DHX9: variants seen among roughly 807,000 people sequenced by gnomAD.
DHX9 encodes ATP-dependent RNA helicase A.
A neutral mutation model predicts 148.7 loss-of-function variants in DHX9; 27 were observed. That is an observed-to-expected ratio of 0.18 (90% CI 0.13 to 0.25). The LOEUF is 0.25. Ranked by LOEUF, DHX9 falls within the 10% of genes least tolerant of loss-of-function variation. The pLI, the probability that DHX9 is intolerant of heterozygous loss-of-function variation, is 1.00. For synonymous variants in DHX9, 529 were observed against 516.6 expected, an observed-to-expected ratio of 1.02 and a Z score of -0.33; for missense variants, 796 against 1,559.6, an observed-to-expected ratio of 0.51 and a Z score of 8.25.
intron 16 of DHX9, 78 bp from the exon 17 acceptor site, chr1:182,875,972 G>C: frequency 9.4e-7 from 1 of 1,063,762 alleles, no homozygotes; most frequent in Non-Finnish European, 1.4e-6. Context: ...AGTAATTAGA[G>C]TCACTAGAAG....
intron 7 of DHX9, 151 bp downstream of exon 7, chr1:182,856,729 A>G (rs1333296322): frequency 1.7e-6 from 1 of 597,392 alleles, no homozygotes; most frequent in Non-Finnish European, 2.8e-6. Context: ...GAATATTAGT[A>G]ATTATATAAA....
chr1:182,866,828 T>C, intron 13 of DHX9, 133 bp from the exon 14 acceptor site: 1 of 792,168 alleles, frequency 1.3e-6, no homozygotes, highest in Non-Finnish European at 2.0e-6. Context: ...ACTATCACTT[T>C]TTAATAGTTT....
intron 6 of DHX9, among the ~76,000 whole-genome samples, chr1:182,855,000 C>T (rs1448495408): frequency 6.6e-6 from 1 of 152,118 alleles, no homozygotes; most frequent in Non-Finnish European, 1.5e-5. Flanking sequence ...AAATATTTTT[C>T]TCGAAAATCA....
At chr1:182,850,373 T>G (rs979598698) in intron 3 of DHX9, among the ~76,000 whole-genome samples, 20 of 151,876 alleles carry the variant, frequency 1.3e-4, no homozygotes, top group African/African-American at 4.6e-4. Context: ...GGCAGGAGGA[T>G]CTCTTGAGTC....
At chr1:182,867,182 CT>C (rs1423965600) in intron 14 of DHX9, 139 bp downstream of exon 14, 22 of 556,258 alleles carry the variant, frequency 4.0e-5, no homozygotes, top group South Asian at 6.0e-5. Flanking sequence ...TGTTGAAAAT[CT>C]TTTTTTAGTG....
chr1:182,885,977 A>G (rs1034395740), intron 27 of DHX9, among the ~76,000 whole-genome samples: 1 of 152,194 alleles, frequency 6.6e-6, no homozygotes, highest in Non-Finnish European at 1.5e-5. Flanking sequence ...GGAAACTAGA[A>G]AGAAAGGGAT....
intron 16 of DHX9, 132 bp from the exon 17 acceptor site, chr1:182,875,918 C>T (rs549579017): frequency 1.4e-6 from 1 of 705,726 alleles, no homozygotes; most frequent in African/African-American, 1.8e-5. Flanking sequence ...CTTCTGTATT[C>T]TATAGTGTGT....
At chr1:182,851,406 A>G (rs1668147151) in intron 3 of DHX9, among the ~76,000 whole-genome samples, 2 of 152,212 alleles carry the variant, frequency 1.3e-5, no homozygotes, top group South Asian at 4.1e-4. Context: ...TCAGAGGAAC[A>G]ATCATTTATT....
intron 15 of DHX9, among the ~76,000 whole-genome samples, chr1:182,874,430 A>ATC (rs1648675163): frequency 6.6e-6 from 1 of 152,192 alleles, no homozygotes; most frequent in Non-Finnish European, 1.5e-5. Flanking sequence ...TGATCAACAG[A>ATC]TCTTCCAGTC....
intron 6 of DHX9, among the ~76,000 whole-genome samples, chr1:182,855,009 CAA>C (rs1307798207): frequency 6.6e-6 from 1 of 152,108 alleles, no homozygotes; most frequent in Non-Finnish European, 1.5e-5. Flanking sequence ...TCTCGAAAAT[CAA>C]AGTGTTCTCC....
intron 16 of DHX9, 52 bp downstream of exon 16, chr1:182,875,006 GAAA>G (rs759611055): frequency 7.1e-7 from 1 of 1,409,234 alleles, no homozygotes; most frequent in Admixed American, 1.7e-5. Flanking sequence ...TCAATGCAGA[GAAA>G]AAAATGAGTT....
chr1:182,859,863 C>G, intron 11 of DHX9, 130 bp from the exon 12 acceptor site: 1 of 779,210 alleles, frequency 1.3e-6, no homozygotes, highest in Admixed American at 2.9e-5. Context: ...CTCAGCCTCC[C>G]AAAGTGCTGG....
At chr1:182,877,607 C>A (rs1349657103) in intron 19 of DHX9, 1 of 157,694 alleles carries the variant, frequency 6.3e-6, no homozygotes, top group Non-Finnish European at 1.4e-5. Flanking sequence ...TTCAAATGGA[C>A]CACACAGGCA....
intron 3 of DHX9, among the ~76,000 whole-genome samples, chr1:182,851,800 TTAA>T (rs1440639019): frequency 3.3e-5 from 5 of 152,224 alleles, no homozygotes; most frequent in Non-Finnish European, 5.9e-5. Context: ...CGTGATCATC[TTAA>T]TAAAGGCTTT....
intron 19 of DHX9, chr1:182,877,615 G>A (rs1302361136): frequency 6.1e-6 from 1 of 162,816 alleles, no homozygotes; most frequent in Non-Finnish European, 1.3e-5. Context: ...GACCACACAG[G>A]CATCACTAGA....
intron 15 of DHX9, 33 bp downstream of exon 15, chr1:182,872,526 T>C (rs747766454): frequency 1.1e-5 from 17 of 1,597,648 alleles, no homozygotes; most frequent in South Asian, 6.8e-5. Context: ...GGAACATCTT[T>C]TGTGCAATAG....
At chr1:182,848,244 C>T (rs1303938510) in intron 3 of DHX9, among the ~76,000 whole-genome samples, 1 of 152,212 alleles carries the variant, frequency 6.6e-6, no homozygotes, top group African/African-American at 2.4e-5. Context: ...CTCAGTGTTT[C>T]TCAACTGGAG....
chr1:182,867,796 A>G lies in DHX9; in HGVS notation c.1557+753A>G, dbSNP rs150420146. 1.4e-4 allele frequency among the ~76,000 whole-genome samples: 22 copies of G among 152,350 alleles called. No homozygotes were observed. The East Asian group carries it at 3.9e-3, about 27-fold the overall frequency. On this transcript the variant is annotated intron_variant, in intron 14 of 27. Transcript: ENST00000367549. The stretch of plus-strand genomic sequence containing the variant: ...TCATGCCAAAAATTAGGAAGAAACT[A>G]GAATTTATTTCCAACCCCTCCCTCT...
intron 14 of DHX9, 69 bp from the exon 15 acceptor site, chr1:182,872,268 C>T (rs1648581489): frequency 2.2e-6 from 3 of 1,342,590 alleles, no homozygotes; most frequent in Middle Eastern, 2.7e-4. Context: ...GGCTGTATAA[C>T]TCTTTTAGGC....
Sources: allele counts gnomAD v4.1 joint callset (sites outside exome capture counted in the v4.1 genomes callset), GRCh38; gene constraint gnomAD v4.1.1; transcripts MANE v1.5; gene names NCBI Gene and HGNC (gene_info 2026-07-23, HGNC 2026-07-21).